The following DLEU7 variants were observed in gnomAD, a reference collection of about 807,000 sequenced individuals.
DLEU7 encodes the protein leukemia-associated protein 7.
A neutral mutation model predicts 16.0 loss-of-function variants in DLEU7; 17 were observed. That is an observed-to-expected ratio of 1.06 (90% CI 0.73 to 1.59). The LOEUF (loss-of-function observed/expected upper bound fraction) is 1.59. Ranked by LOEUF, DLEU7 falls within the 40% of genes most tolerant of loss-of-function variation. The pLI, the probability that DLEU7 is intolerant of heterozygous loss-of-function variation, is 0.00. For missense variants in DLEU7, 308 were observed against 314.9 expected (o/e 0.98, Z 0.17); for synonymous variants, 113 against 139.8 (o/e 0.81, Z 1.35).
intron 1 of DLEU7, among the ~76,000 whole-genome samples, chr13:50,782,774 G>GAA (rs57072824): frequency 0.027 from 3,473 of 130,102 alleles, 57 homozygotes; most frequent in Non-Finnish European, 0.04. Flanking sequence ...ACTGTCTACA[G>GAA]AAAAAAAAAA....
chr13:50,755,955 G>A (rs1874745344), intron 1 of DLEU7, among the ~76,000 whole-genome samples: 1 of 152,060 alleles, frequency 6.6e-6, no homozygotes, highest in Admixed American at 6.5e-5. Flanking sequence ...GGCTTTTTGT[G>A]AGCCAAGCTG....
At chr13:50,732,606 C>CAAAAAAAAAAAA (rs58395582) in intron 1 of DLEU7, among the ~76,000 whole-genome samples, 1,639 of 65,894 alleles carry the variant, frequency 0.025, 154 homozygotes, top group Non-Finnish European at 0.037. Flanking sequence ...GACTCCATCT[C>CAAAAAAAAAAAA]AAAAAAAAAA....
intron 1 of DLEU7, among the ~76,000 whole-genome samples, chr13:50,728,598 G>C (rs868000884): frequency 3.9e-5 from 6 of 152,034 alleles, no homozygotes; most frequent in African/African-American, 4.8e-5. Context: ...CCATGGGGAA[G>C]GGTCAAGCTC....
chr13:50,794,560 T>C (rs1876056719), intron 1 of DLEU7, among the ~76,000 whole-genome samples: 1 of 152,210 alleles, frequency 6.6e-6, no homozygotes, highest in Non-Finnish European at 1.5e-5. Context: ...GGTGAAAATG[T>C]TTAAGTTTTT....
Position 50,804,427 on chromosome 13 carries a change from T to G in DLEU7, c.459+38761A>C, listed in dbSNP as rs577217063. Among the ~76,000 whole-genome samples, 160 of 151,896 alleles carry G rather than the reference T, an allele frequency of 1.1e-3. 1 individual carries two copies. Among genetic ancestry groups the G allele is most frequent in the African/African-American group, 3.6e-3 (149 of 41,480 alleles). ...GTTGTTCGTTTTATGGGGTTTTTTT[T>G]TTTTCTGTTGTTGTTGTTTTTGTTT... On this transcript the variant is annotated intron_variant, in intron 1 of 1. Coordinates refer to the DLEU7 transcript ENST00000400393.
At chr13:50,737,363 A>T (rs1874103318) in intron 1 of DLEU7, among the ~76,000 whole-genome samples, 1 of 152,158 alleles carries the variant, frequency 6.6e-6, no homozygotes, top group Admixed American at 6.6e-5. Flanking sequence ...TCATTTTATT[A>T]TGCTTCACTT....
intron 1 of DLEU7, chr13:50,715,464 G>T (rs1484058886): frequency 6.6e-6 from 1 of 152,450 alleles, no homozygotes; most frequent in Non-Finnish European, 1.5e-5. Flanking sequence ...CAGAGCAGCC[G>T]GTGGCAGCTA....
At chr13:50,804,649 T>C (rs1050911659) in intron 1 of DLEU7, among the ~76,000 whole-genome samples, 2 of 152,050 alleles carry the variant, frequency 1.3e-5, no homozygotes, top group African/African-American at 4.8e-5. Context: ...TTTCACCATG[T>C]TGGTCAGGCT....
chr13:50,835,326 T>C (rs117911840), intron 1 of DLEU7, among the ~76,000 whole-genome samples: 1,854 of 152,278 alleles, frequency 0.012, 17 homozygotes, highest in Non-Finnish European at 0.019. Context: ...TATAGAGCTG[T>C]AGCTGCTCCG....
chr13:50,743,242 T>C (rs1332470534), intron 1 of DLEU7, among the ~76,000 whole-genome samples: 1 of 151,906 alleles, frequency 6.6e-6, no homozygotes, highest in Non-Finnish European at 1.5e-5. Flanking sequence ...GAAATGAATA[T>C]ATTCTGGTGG....
At chr13:50,714,153 G>A (rs1041101014) in intron 1 of DLEU7, among the ~76,000 whole-genome samples, 1 of 152,220 alleles carries the variant, frequency 6.6e-6, no homozygotes, top group African/African-American at 2.4e-5. Flanking sequence ...AGGCATAAGA[G>A]TCCTGCTTAC....
intron 1 of DLEU7, among the ~76,000 whole-genome samples, chr13:50,777,325 G>A (rs1000534516): frequency 1.3e-5 from 2 of 152,120 alleles, no homozygotes; most frequent in Admixed American, 6.5e-5. Flanking sequence ...CCTTAATCTG[G>A]GTGGGCACCA....
rs560434678 is a variant in DLEU7 at position 50,767,359 on chromosome 13, G to A, written c.460-54119C>T. ...TAGTCCCAGCTACGCGGGAGGCTGA[G>A]GCAGGAGAATGGCGTGAACCCGGGA... On this transcript the variant is annotated intron_variant, in intron 1 of 1. Coordinates refer to the DLEU7 transcript ENST00000400393. Among the ~76,000 whole-genome samples the A allele has an allele frequency of 1.9e-3, 292 of 151,110 alleles. 2 individuals are homozygous for A. Among genetic ancestry groups the A allele is most frequent in the Non-Finnish European group, 3.7e-3 (252 of 67,918 alleles).
At chr13:50,834,153 C>CA (rs1349939508) in intron 1 of DLEU7, among the ~76,000 whole-genome samples, 22 of 142,366 alleles carry the variant, frequency 1.5e-4, no homozygotes, top group Admixed American at 1.1e-3. Flanking sequence ...GACTAAAACA[C>CA]ACAAAAAAAA....
chr13:50,812,549 G>T (rs1028219215), intron 1 of DLEU7, among the ~76,000 whole-genome samples: 2 of 152,120 alleles, frequency 1.3e-5, no homozygotes. Flanking sequence ...CCCAAGAAAA[G>T]CAGTTATAAA....
chr13:50,782,159 T>C (rs1875667664), intron 1 of DLEU7, among the ~76,000 whole-genome samples: 1 of 152,174 alleles, frequency 6.6e-6, no homozygotes, highest in Non-Finnish European at 1.5e-5. Context: ...TCCTCACATA[T>C]CTAGAAAACC....
In DLEU7 at chr13:50,719,851, A is replaced by G. The variant is rs532458436; in HGVS notation, c.460-6611T>C. The G allele has an allele frequency of 2.0e-5, 3 of 152,332 alleles. No individual in the cohort carries two copies. The South Asian group carries it at 6.2e-4, about 32-fold the overall frequency. The allele number at this position is 152,332 out of a possible 1,614,324, so 9.4% of individuals were successfully genotyped here. A position where few individuals can be genotyped will look rare whatever the true frequency, so the allele number is the denominator to read the frequency against. ...GAATTGAATATAGTCACTTGAGTTA[A>G]AGTATCTTTTACAGTCTCTCTATTC... On this transcript the variant is annotated intron_variant, in intron 1 of 1. Transcript: ENST00000400393.
intron 1 of DLEU7, among the ~76,000 whole-genome samples, chr13:50,755,567 A>G (rs922287945): frequency 1.3e-5 from 2 of 151,182 alleles, no homozygotes; most frequent in African/African-American, 4.9e-5. Flanking sequence ...TATGCTATCT[A>G]TTTCCTTTAA....
chr13:50,740,240 A>G (rs1479712867), intron 1 of DLEU7, among the ~76,000 whole-genome samples: 3 of 152,200 alleles, frequency 2.0e-5, no homozygotes, highest in Admixed American at 6.5e-5. Flanking sequence ...GGTATGCACA[A>G]CAACCTCAAA....
Sources: gnomAD v4.1 joint callset for allele counts (sites outside exome capture counted in the v4.1 genomes callset) on GRCh38, gnomAD v4.1.1 for gene constraint, MANE v1.5 for transcripts, NCBI Gene and HGNC (gene_info 2026-07-23, HGNC 2026-07-21) for gene names.